Variants in XKRX observed in about 807,000 individuals in gnomAD.
XKRX encodes XK-related protein 2.
In XKRX, 11 loss-of-function variants were observed where a neutral mutation model predicts 22.4. The ratio of observed to expected loss-of-function variants is 0.49; its 90% CI spans 0.31 to 0.81. The LOEUF (loss-of-function observed/expected upper bound fraction) is 0.81, where lower values mean the gene tolerates loss of function less well. Among genes scored for constraint, XKRX ranks in the 40% least tolerant of loss-of-function variants. The pLI is 0.05. For synonymous variants in XKRX, 114 were observed against 132.2 expected, an observed-to-expected ratio of 0.86 and a Z score of 0.94; for missense variants, 320 against 336.5, an observed-to-expected ratio of 0.95 and a Z score of 0.38.
chrX:100,908,671 G>T, downstream of XKRX, among the ~76,000 whole-genome samples: 1 of 111,661 alleles, frequency 9.0e-6, no homozygotes, highest in Non-Finnish European at 1.9e-5. Context: ...GAGAACAAGG[G>T]TTCCCACTCT....
chrX:100,936,876 C>A, the XKRX span, among the ~76,000 whole-genome samples: 1 of 109,676 alleles, frequency 9.1e-6, no homozygotes, highest in Non-Finnish European at 1.9e-5. Flanking sequence ...CCCCCCACCC[C>A]CCACACGTGG....
chrX:100,951,268 AG>A, the XKRX span, among the ~76,000 whole-genome samples: 1 of 95,283 alleles, frequency 1.0e-5, no homozygotes, highest in Non-Finnish European at 2.1e-5. Context: ...GGACAGAGGG[AG>A]GGAGGGGGAC....
chrX:100,953,924 A>AAC, the XKRX span, among the ~76,000 whole-genome samples: 1 of 107,271 alleles, frequency 9.3e-6, no homozygotes, highest in Admixed American at 9.9e-5. Flanking sequence ...AAAAAAAAAA[A>AAC]AAAACCTCTT....
At chrX:100,891,657 G>T in the XKRX span, among the ~76,000 whole-genome samples, 1 of 108,192 alleles carries the variant, frequency 9.2e-6, no homozygotes, top group Non-Finnish European at 1.9e-5. Context: ...TTGGGAGCCC[G>T]AGGCAGGTGG....
the XKRX span, among the ~76,000 whole-genome samples, chrX:100,947,490 A>G: frequency 8.9e-6 from 1 of 112,647 alleles, no homozygotes; most frequent in African/African-American, 3.2e-5. Flanking sequence ...CATCAAAGGA[A>G]AGCAACTTAG....
the XKRX span, among the ~76,000 whole-genome samples, chrX:100,906,560 C>CAG: frequency 8.9e-6 from 1 of 111,986 alleles, no homozygotes; most frequent in African/African-American, 3.3e-5. Flanking sequence ...AGATGACCCT[C>CAG]AGAGAGGCCT....
the XKRX span, chrX:100,888,647 G>C: frequency 2.5e-6 from 1 of 399,353 alleles, no homozygotes; most frequent in Non-Finnish European, 4.4e-6. Flanking sequence ...TCCACAGGCA[G>C]AAAGGAGCAA....
the XKRX span, among the ~76,000 whole-genome samples, chrX:100,892,716 C>T: frequency 8.9e-6 from 1 of 112,310 alleles, no homozygotes; most frequent in Non-Finnish European, 1.9e-5. Flanking sequence ...GAAACCCTTG[C>T]ATACTGTTAG....
At position 100,914,316 on chromosome X, in the gene XKRX, C is replaced by T; in HGVS notation, c.*22G>A. ...TACTCTTGGCAACTCCCAACTCTTC[C>T]TAAAATACCCAGAAAATAGAATCAG... On this transcript the variant is annotated 3_prime_UTR_variant, in exon 3 of 3. Transcript: ENST00000372956. 8.4e-7 allele frequency: 1 copy of T among 1,197,081 alleles called. No homozygotes were observed. Among genetic ancestry groups the T allele is most frequent in the Non-Finnish European group, 1.1e-6 (1 of 887,967 alleles).
the XKRX span, among the ~76,000 whole-genome samples, chrX:100,956,360 T>A: frequency 1.8e-5 from 2 of 111,949 alleles, no homozygotes; most frequent in African/African-American, 6.5e-5. Context: ...GTACTTCACA[T>A]AAAAGTTTTA....
At chrX:100,953,267 G>A in the XKRX span, among the ~76,000 whole-genome samples, 6 of 110,426 alleles carry the variant, frequency 5.4e-5, no homozygotes, top group African/African-American at 9.9e-5. Flanking sequence ...CAGCCTGTGC[G>A]ACAAAGTGGG....
chrX:100,892,473 A>T, the XKRX span, among the ~76,000 whole-genome samples: 4 of 112,064 alleles, frequency 3.6e-5, no homozygotes, highest in Non-Finnish European at 7.5e-5. Flanking sequence ...AGCTAAAAAA[A>T]ATTAAAATAA....
chrX:100,925,278 G>A (rs905445630), intron 1 of XKRX, among the ~76,000 whole-genome samples: 1 of 111,868 alleles, frequency 8.9e-6, no homozygotes, highest in African/African-American at 3.2e-5. Flanking sequence ...CAATAAATTA[G>A]AGTACATTTT....
At chrX:100,923,837 CTT>C (rs745938618) in intron 1 of XKRX, among the ~76,000 whole-genome samples, 5 of 88,108 alleles carry the variant, frequency 5.7e-5, no homozygotes, top group Non-Finnish European at 6.6e-5. Context: ...TTCTTTCTTT[CTT>C]TTTTTTTTTT....
At chrX:100,917,189 G>A (rs968405485) in intron 2 of XKRX, among the ~76,000 whole-genome samples, 2 of 111,243 alleles carry the variant, frequency 1.8e-5, no homozygotes, top group Non-Finnish European at 3.8e-5. Flanking sequence ...GGAGGCTGAG[G>A]CACGAGAATC....
At chrX:100,922,066 C>T (rs1162007897) in intron 2 of XKRX, among the ~76,000 whole-genome samples, 1 of 109,781 alleles carries the variant, frequency 9.1e-6, no homozygotes, top group Admixed American at 9.8e-5. Context: ...ATCTCCTGAC[C>T]TTGTGATCCA....
the XKRX span, among the ~76,000 whole-genome samples, chrX:100,944,657 C>T: frequency 8.9e-6 from 1 of 112,455 alleles, no homozygotes; most frequent in African/African-American, 3.2e-5. Flanking sequence ...GCCACCATGC[C>T]CAGCCAAATA....
At chrX:100,898,825 T>TTTTCTTTC in the XKRX span, among the ~76,000 whole-genome samples, 4 of 109,063 alleles carry the variant, frequency 3.7e-5, no homozygotes, top group African/African-American at 6.7e-5. Flanking sequence ...TCTTTTTCTC[T>TTTTCTTTC]TTTCTTTCTT....
At chrX:100,952,393 G>A in the XKRX span, among the ~76,000 whole-genome samples, 2 of 108,077 alleles carry the variant, frequency 1.9e-5, no homozygotes, top group Non-Finnish European at 3.8e-5. Context: ...GGGGTCGCTG[G>A]CCTCCATTAA....
Sources: gnomAD v4.1 joint callset for allele counts (sites outside exome capture counted in the v4.1 genomes callset) on GRCh38, gnomAD v4.1.1 for gene constraint, MANE v1.5 for transcripts, NCBI Gene and HGNC (gene_info 2026-07-23, HGNC 2026-07-21) for gene names.